Variants in CAB39L observed in about 807,000 individuals in gnomAD.
CAB39L encodes calcium binding protein 39 like.
CAB39L carries 23 observed loss-of-function variants against 39.1 expected under a neutral mutation model. The ratio of observed to expected loss-of-function variants is 0.59; its 90% CI spans 0.42 to 0.83. The LOEUF (loss-of-function observed/expected upper bound fraction) is 0.83, where lower values mean the gene tolerates loss of function less well. Among genes scored for constraint, CAB39L ranks in the 40% least tolerant of loss-of-function variants. CAB39L has a pLI of 0.00. For synonymous variants in CAB39L, 126 were observed against 137.2 expected, an observed-to-expected ratio of 0.92 and a Z score of 0.57; for missense variants, 366 against 391.9, an observed-to-expected ratio of 0.93 and a Z score of 0.56.
chr13:49,325,043 G>A (rs896053645), intron 10 of CAB39L, among the ~76,000 whole-genome samples: 1 of 152,150 alleles, frequency 6.6e-6, no homozygotes, highest in Non-Finnish European at 1.5e-5. Context: ...TTATCAAACA[G>A]AGCCGTAAGT....
At chr13:49,361,501 GAGAC>G (rs1955630831) in intron 5 of CAB39L, among the ~76,000 whole-genome samples, 2 of 91,740 alleles carry the variant, frequency 2.2e-5, no homozygotes, top group Non-Finnish European at 4.8e-5. Context: ...AAAAAAAAAA[GAGAC>G]AGAAAGAAAG....
intron 7 of CAB39L, among the ~76,000 whole-genome samples, chr13:49,349,953 T>A (rs1000242470): frequency 6.6e-6 from 1 of 152,214 alleles, no homozygotes; most frequent in East Asian, 1.9e-4. Flanking sequence ...GCAAATTAGC[T>A]GCACTCTTTT....
chr13:49,376,144 G>A (rs1015437402), intron 5 of CAB39L, among the ~76,000 whole-genome samples: 1 of 152,178 alleles, frequency 6.6e-6, no homozygotes, highest in Admixed American at 6.5e-5. Context: ...CACTTATTCA[G>A]TGAACAAAAC....
At chr13:49,328,732 G>A (rs1465830056) in intron 10 of CAB39L, among the ~76,000 whole-genome samples, 1 of 152,132 alleles carries the variant, frequency 6.6e-6, no homozygotes, top group Non-Finnish European at 1.5e-5. Flanking sequence ...CTACTCAGGA[G>A]GCTGAGGCAG....
At chr13:49,375,177 A>C (rs1234276593) in intron 5 of CAB39L, among the ~76,000 whole-genome samples, 3 of 152,104 alleles carry the variant, frequency 2.0e-5, no homozygotes, top group Non-Finnish European at 4.4e-5. Flanking sequence ...ATATATATGT[A>C]TATATTTTTA....
chr13:49,372,552 G>A (rs959341411), intron 5 of CAB39L, among the ~76,000 whole-genome samples: 20 of 152,060 alleles, frequency 1.3e-4, no homozygotes, highest in African/African-American at 3.9e-4. Context: ...TGCTCCCAGC[G>A]CCCTTCAACC....
chr13:49,415,090 G>A (rs1453563067), intron 3 of CAB39L, among the ~76,000 whole-genome samples: 1 of 151,918 alleles, frequency 6.6e-6, no homozygotes, highest in African/African-American at 2.4e-5. Flanking sequence ...CTAGCTACTT[G>A]GGACGCTGAG....
chr13:49,370,617 G>A (rs1955894292), intron 5 of CAB39L, among the ~76,000 whole-genome samples: 2 of 152,206 alleles, frequency 1.3e-5, no homozygotes, highest in African/African-American at 4.8e-5. Flanking sequence ...TGTGAGTGGA[G>A]AAGGAGGGAG....
At chr13:49,345,121 G>A (rs1955110176) in intron 7 of CAB39L, among the ~76,000 whole-genome samples, 1 of 152,046 alleles carries the variant, frequency 6.6e-6, no homozygotes, top group African/African-American at 2.4e-5. Context: ...CCCTGTCTAG[G>A]TGCTATGAAA....
intron 9 of CAB39L, among the ~76,000 whole-genome samples, chr13:49,334,282 CTTAGA>C (rs970328839): frequency 7.9e-5 from 12 of 152,168 alleles, no homozygotes; most frequent in African/African-American, 2.9e-4. Context: ...ACCAATTCCA[CTTAGA>C]TTAGAAAGTG....
chr13:49,425,145 T>C (rs1240414056), intron 3 of CAB39L, among the ~76,000 whole-genome samples: 2 of 146,682 alleles, frequency 1.4e-5, no homozygotes, highest in African/African-American at 5.5e-5. Flanking sequence ...CACATGGTAA[T>C]ATATTTCAGG....
intron 3 of CAB39L, among the ~76,000 whole-genome samples, chr13:49,419,721 A>G (rs1344874265): frequency 6.6e-6 from 1 of 152,208 alleles, no homozygotes; most frequent in African/African-American, 2.4e-5. Flanking sequence ...ATTTTAATCT[A>G]TTTGGTTCAT....
At chr13:49,361,829 A>T (rs1314823751) in intron 5 of CAB39L, among the ~76,000 whole-genome samples, 1 of 152,070 alleles carries the variant, frequency 6.6e-6, no homozygotes, top group East Asian at 1.9e-4. Context: ...TCTGTACTAC[A>T]ACCATGTCCT....
In CAB39L at chr13:49,421,177, CA is replaced by C. The variant is rs562653052; in HGVS notation, c.-32+12140del. On this transcript the variant is annotated intron_variant, in intron 3 of 10. Coordinates refer to ENST00000409308, the MANE Select transcript of CAB39L (RefSeq NM_001079670.3). The stretch of plus-strand genomic sequence containing the variant: ...GCCAGCAACCCAGGAACACCAAGTG[CA>C]AAGAAACTGCCTCCCCTCTCTGCCC... Among the ~76,000 whole-genome samples the C allele has an allele frequency of 2.6e-3, 401 of 152,242 alleles. 2 individuals carry two copies. The highest frequency in any genetic ancestry group is 4.8e-3 in the Admixed American group (73 of 15,290).
chr13:49,351,260 A>T, intron 6 of CAB39L: 1 of 103,718 alleles, frequency 9.6e-6, no homozygotes, highest in Non-Finnish European at 1.8e-5. Flanking sequence ...AAGGTGACTA[A>T]ATTGTGTGTG....
chr13:49,315,977 T>C (rs1429199439), intron 10 of CAB39L, among the ~76,000 whole-genome samples: 1 of 150,558 alleles, frequency 6.6e-6, no homozygotes, highest in Admixed American at 6.6e-5. Flanking sequence ...AAGAACAAAC[T>C]AAACCAAAGC....
chr13:49,397,156 T>C (rs1048261028), intron 3 of CAB39L, among the ~76,000 whole-genome samples: 6 of 152,226 alleles, frequency 3.9e-5, no homozygotes, highest in African/African-American at 1.4e-4. Context: ...TTTTCCATTT[T>C]AAAATATGCA....
intron 3 of CAB39L, among the ~76,000 whole-genome samples, chr13:49,403,429 A>C (rs1392554658): frequency 6.6e-6 from 1 of 152,120 alleles, no homozygotes; most frequent in Non-Finnish European, 1.5e-5. Context: ...AAAATTCACA[A>C]TATCTGACAT....
chr13:49,424,708 A>T (rs1341097613), intron 3 of CAB39L, among the ~76,000 whole-genome samples: 1 of 152,234 alleles, frequency 6.6e-6, no homozygotes, highest in Non-Finnish European at 1.5e-5. Context: ...TAAGAAATAA[A>T]ACTTATTTTA....
Sources: allele counts gnomAD v4.1 joint callset (sites outside exome capture counted in the v4.1 genomes callset), GRCh38; gene constraint gnomAD v4.1.1; transcripts MANE v1.5; gene names NCBI Gene and HGNC (gene_info 2026-07-23, HGNC 2026-07-21).